Variants in CHTOP observed in about 807,000 individuals in gnomAD.
The protein encoded by CHTOP is chromatin target of PRMT1, also known as chromatin target of PRMT1 protein.
A neutral mutation model predicts 33.6 loss-of-function variants in CHTOP; 18 were observed. That is an observed-to-expected ratio of 0.54 (90% CI 0.37 to 0.80). The LOEUF (loss-of-function observed/expected upper bound fraction) is 0.80. CHTOP is among the 30% of genes least tolerant of loss of function. The pLI is 0.00. For synonymous variants in CHTOP, 117 were observed against 127.7 expected (o/e 0.92, Z 0.56); for missense variants, 263 against 336.8 (o/e 0.78, Z 1.71).
chr1:153,642,715 A>C, intron 4 of CHTOP: 1 of 268,740 alleles, frequency 3.7e-6, no homozygotes, highest in East Asian at 7.7e-5. Flanking sequence ...AGCACATTCA[A>C]GTTCTAGAAA....
chr1:153,642,536 AATATAATAAC>A, intron 4 of CHTOP, 107 bp downstream of exon 4: 1 of 843,172 alleles, frequency 1.2e-6, no homozygotes, highest in Non-Finnish European at 1.8e-6. Flanking sequence ...AATTTGTATT[AATATAATAAC>A]TTCTGAAATC....
intron 2 of CHTOP, chr1:153,637,266 A>C (rs1668440652): frequency 6.6e-6 from 1 of 152,258 alleles, no homozygotes; most frequent in African/African-American, 2.4e-5. Context: ...TTGAAAAGTA[A>C]CTACTTGGAG....
At chr1:153,641,645 G>C (rs1479948029) in intron 3 of CHTOP, among the ~76,000 whole-genome samples, 1 of 152,184 alleles carries the variant, frequency 6.6e-6, no homozygotes, top group Non-Finnish European at 1.5e-5. Flanking sequence ...ACTTTCTTGT[G>C]TTTATTTACA....
In CHTOP at chr1:153,645,922, A is replaced by C. The variant is rs1668810988; in HGVS notation, c.*653A>C. 6.6e-6 allele frequency: 1 copy of C among 152,480 alleles called. No homozygotes were observed. Among genetic ancestry groups the C allele is most frequent in the African/African-American group, 2.4e-5 (1 of 41,440 alleles). 9.4% of individuals were successfully genotyped at this position (152,480 alleles called of 1,614,324 possible). On this transcript the variant is annotated 3_prime_UTR_variant, in exon 6 of 6. Transcript: ENST00000368694. ...GTACATTGACAGCACATATACCATA[A>C]CCAGCGTGTTGGGTTGAATTGCACT... is the stretch of plus-strand genomic sequence containing the variant.
chr1:153,644,485 A>C (rs1668735867), intron 5 of CHTOP: 1 of 152,540 alleles, frequency 6.6e-6, no homozygotes, highest in Non-Finnish European at 1.5e-5. Flanking sequence ...AGGACAACTC[A>C]AAATATTTTT....
chr1:153,644,852 A>AAC (rs2101695974), intron 5 of CHTOP, among the ~76,000 whole-genome samples: 2 of 152,360 alleles, frequency 1.3e-5, no homozygotes, highest in African/African-American at 4.8e-5. Context: ...AATAGCATTT[A>AAC]GAGATGATCA....
Position 153,645,158 on chromosome 1 carries a change from C to A in CHTOP, c.636C>A (p.Thr212=). The part of the protein sequence containing the change: ...GRGALARPVL[T]KEQLDNQLDA... ...GTGCCCTTGCTCGCCCTGTATTGAC[C>A]AAGGAGCAGCTGGACAACCAATTGG... The change falls in exon 6 of 6, where the codon ACC becomes ACA. Residue 212 remains threonine, a synonymous_variant. Transcript: ENST00000368694. 6.2e-7 allele frequency: 1 copy of A among 1,614,134 alleles called. No individual in the cohort carries two copies. The highest frequency in any genetic ancestry group is 8.5e-7 in the Non-Finnish European group (1 of 1,180,036).
In CHTOP at chr1:153,645,435, T is replaced by C. The variant is rs948622248; in HGVS notation, c.*166T>C. 5 of 657,574 alleles carry C rather than the reference T, an allele frequency of 7.6e-6. No homozygotes were observed. Among genetic ancestry groups the C allele is most frequent in the Non-Finnish European group, 5.1e-6 (2 of 393,174 alleles). The allele number at this position is 657,574 out of a possible 1,614,324, so 40.7% of individuals were successfully genotyped here. ...GCATTTAGTGTGTTCCTTTTACTTT[T>C]TGATACTGTGTTGTATGAAACCCTT... On this transcript the variant is annotated 3_prime_UTR_variant, in exon 6 of 6. Coordinates refer to ENST00000368694, the MANE Select transcript of CHTOP (RefSeq NM_015607.4).
chr1:153,636,229 C>A (rs1384104901), intron 1 of CHTOP, among the ~76,000 whole-genome samples: 4 of 151,922 alleles, frequency 2.6e-5, no homozygotes, highest in Non-Finnish European at 5.9e-5. Context: ...CATACCCAGC[C>A]ACCTTGAAGT....
rs1034983269 is a variant in CHTOP, at chr1:153,645,587, T to C, written c.*318T>C. ...GTGGCTAGAACACCCTCTTCCTACC[T>C]CTGTCTCCCCTCACTTGTCATATGC... is the stretch of plus-strand genomic sequence containing the variant. On this transcript the variant is annotated 3_prime_UTR_variant, in exon 6 of 6. Transcript: ENST00000368694. 8.5e-6 allele frequency: 3 copies of C among 351,544 alleles called. No individual in the cohort carries two copies. The highest frequency in any genetic ancestry group is 2.1e-5 in the African/African-American group (1 of 46,852). 21.8% of individuals were successfully genotyped at this position (351,544 alleles called of 1,614,324 possible).
At position 153,634,067 on chromosome 1, in the gene CHTOP, T is replaced by G. The variant is rs1188524085; in HGVS notation, c.-294T>G. On this transcript the variant is annotated 5_prime_UTR_variant, in exon 1 of 6. Transcript: ENST00000368694. ...TAGCCGGTCAGACAAGCACTGGACGTGGCGGCCATTTTGTTTTGGACACCG... is the reference window on the plus strand; with the variant it reads ...TAGCCGGTCAGACAAGCACTGGACGGGGCGGCCATTTTGTTTTGGACACCG... The G allele has an allele frequency of 6.5e-6, 1 of 152,780 alleles. No homozygotes were observed. The allele number at this position is 152,780 out of a possible 1,614,324, so 9.5% of individuals were successfully genotyped here. A position where few individuals can be genotyped will look rare whatever the true frequency, so the allele number is the denominator to read the frequency against.
chr1:153,638,180 A>T (rs1252292672), intron 2 of CHTOP, 115 bp from the exon 3 acceptor site: 2 of 1,008,764 alleles, frequency 2.0e-6, no homozygotes, highest in Non-Finnish European at 3.0e-6. Flanking sequence ...TAAGTGTACC[A>T]CTTTACTTAA....
rs757148531 is a variant in CHTOP at position 153,642,302 on chromosome 1, A to G, written c.276A>G (p.Ile92Met). The G allele has an allele frequency of 4.3e-6, 7 of 1,614,136 alleles. No homozygotes were observed. In the South Asian group the frequency reaches 7.7e-5, roughly 18 times the overall value. Residue 92 changes from isoleucine to methionine, a missense_variant, in exon 4 of 6, where the codon ATA becomes ATG. Physicochemically the swap from Ile to Met is conservative, Grantham distance 10 (BLOSUM62 1). Around this residue, in one of 3 missense-constraint regions of CHTOP, gnomAD observed 168 missense variants for 179.9 expected, o/e 0.93. Transcript: ENST00000368694. Reference protein sequence around the residue: ...SNIQARLGRPIGALARGAIGG... With the variant: ...SNIQARLGRPMGALARGAIGG... Reference sequence around the variant, plus strand: ...TCCAGGCACGGTTAGGCCGACCCATAGGGGCCCTGGCCAGGGGAGCAATCG... The same window carrying G: ...TCCAGGCACGGTTAGGCCGACCCATGGGGGCCCTGGCCAGGGGAGCAATCG...
At position 153,645,107 on chromosome 1, in the gene CHTOP, A is replaced by T. The variant is rs199727465; in HGVS notation, c.585A>T (p.Arg195=). The part of the protein sequence containing the change: ...IGRGRGGFGG[R]GRGRGRGRGA... ...GGGGAAGAGGGGGCTTTGGAGGCCG[A>T]GGCCGAGGCCGTGGACGAGGGAGAG... The change falls in exon 6 of 6, where the codon CGA becomes CGT. Residue 195 remains arginine, a synonymous_variant. Transcript: ENST00000368694. 226 of 1,594,470 alleles carry T rather than the reference A, an allele frequency of 1.4e-4. No individual in the cohort carries two copies. Among genetic ancestry groups the T allele is most frequent in the Non-Finnish European group, 1.8e-4 (214 of 1,165,962 alleles).
Position 153,645,064 on chromosome 1 carries a change from G to A in CHTOP, c.542G>A (p.Gly181Asp). The A allele has an allele frequency of 1.9e-6, 3 of 1,610,492 alleles. No homozygotes were observed. The Admixed American group carries it at 5.0e-5, about 27-fold the overall frequency. ...AMGRGGIGGRGRGMIGRGRGG... is the reference protein window; with the variant it reads ...AMGRGGIGGRDRGMIGRGRGG... ...TTTTTTTTTTTCCCCTTTGGGCCAG[G>A]TCGGGGTATGATAGGTCGGGGAAGA... Residue 181 changes from glycine (G) to aspartate (D), a missense_variant and splice_region_variant, in exon 6 of 6, where the codon GGT becomes GAT. Around this residue, in one of 3 missense-constraint regions of CHTOP, gnomAD observed 168 missense variants for 179.9 expected, o/e 0.93. Transcript: ENST00000368694.
chr1:153,640,457 A>T (rs933533568), intron 3 of CHTOP, among the ~76,000 whole-genome samples: 8 of 151,818 alleles, frequency 5.3e-5, no homozygotes, highest in Admixed American at 1.3e-4. Flanking sequence ...TGACAGTGAG[A>T]CTCTGTCTCA....
intron 5 of CHTOP, 83 bp downstream of exon 5, chr1:153,643,447 C>A: frequency 1.5e-6 from 2 of 1,341,862 alleles, no homozygotes; most frequent in South Asian, 1.8e-5. Flanking sequence ...TGCACAGCTT[C>A]AAGTCATAGG....
Position 153,645,966 on chromosome 1 carries a change from T to C in CHTOP, c.*697T>C, listed in dbSNP as rs944174259. The C allele has an allele frequency of 6.6e-6, 1 of 152,376 alleles. No individual in the cohort carries two copies. Among genetic ancestry groups the C allele is most frequent in the African/African-American group, 2.4e-5 (1 of 41,442 alleles). 9.4% of individuals were successfully genotyped at this position (152,376 alleles called of 1,614,324 possible). On this transcript the variant is annotated 3_prime_UTR_variant, in exon 6 of 6. Coordinates refer to ENST00000368694, the MANE Select transcript of CHTOP (RefSeq NM_015607.4). ...TTGCACTTTCTACCTTTGTATGAGA[T>C]TTACAGACTTTCCTTCTGGGTTTGT...
At chr1:153,642,099 G>A in intron 3 of CHTOP, 147 bp from the exon 4 acceptor site, 1 of 582,556 alleles carries the variant, frequency 1.7e-6, no homozygotes, top group Non-Finnish European at 3.0e-6. Flanking sequence ...GCTTGCTTCT[G>A]GTTTGGGATC....
Sources: allele counts gnomAD v4.1 joint callset (sites outside exome capture counted in the v4.1 genomes callset), GRCh38; gene constraint gnomAD v4.1.1; regional missense constraint gnomAD v4.1.1; transcripts MANE v1.5; gene names NCBI Gene and HGNC (gene_info 2026-07-23, HGNC 2026-07-21).